PRPF3: variants seen among roughly 807,000 people sequenced by gnomAD.
The protein encoded by PRPF3 is pre-mRNA processing factor 3.
A neutral mutation model predicts 89.2 loss-of-function variants in PRPF3; 3 were observed. That is an observed-to-expected ratio of 0.03 (90% CI 0.02 to 0.09). The LOEUF (loss-of-function observed/expected upper bound fraction) is 0.09. PRPF3 is among the 10% of genes least tolerant of loss of function. The probability of loss-of-function intolerance (pLI) is 1.00; values close to 1 mark genes in which losing one functional copy is unlikely to be tolerated. For synonymous variants in PRPF3, 270 were observed against 289.1 expected (o/e 0.93, Z 0.67); for missense variants, 463 against 828.8 (o/e 0.56, Z 5.42).
At chr1:150,335,755 G>A (rs1280606271) in intron 7 of PRPF3, among the ~76,000 whole-genome samples, 5 of 109,956 alleles carry the variant, frequency 4.5e-5, no homozygotes, top group African/African-American at 7.2e-5. Context: ...GTGAGCCACC[G>A]CCCCCGCCTT....
intron 4 of PRPF3, 62 bp from the exon 5 acceptor site, chr1:150,332,622 C>T: frequency 1.3e-6 from 2 of 1,539,340 alleles, no homozygotes; most frequent in Non-Finnish European, 1.8e-6. Context: ...GGTTTAAAAA[C>T]CTGAATGGGA....
chr1:150,326,576 T>G (rs1402488315), intron 3 of PRPF3, among the ~76,000 whole-genome samples: 1 of 152,094 alleles, frequency 6.6e-6, no homozygotes, highest in Non-Finnish European at 1.5e-5. Context: ...GTGACTCCTA[T>G]CAAACCTTCC....
intron 4 of PRPF3, among the ~76,000 whole-genome samples, chr1:150,331,620 C>T (rs1656408104): frequency 6.6e-6 from 1 of 152,146 alleles, no homozygotes; most frequent in Non-Finnish European, 1.5e-5. Context: ...CCACCTCAGC[C>T]TCTCAAAGTG....
chr1:150,352,887 G>A lies in PRPF3; in HGVS notation c.1960G>A (p.Glu654Lys). 1.9e-6 allele frequency: 3 copies of A among 1,614,188 alleles called. No homozygotes were observed. The highest frequency in any genetic ancestry group is 2.5e-6 in the Non-Finnish European group (3 of 1,180,030). ...GATGAAGTTTAAACAGTGTCCTACA[G>A]AGAACATGGCTCGTGAGCATTTCAA... ...GEMKFKQCPTENMAREHFKKH... is the reference protein window; with the variant it reads ...GEMKFKQCPTKNMAREHFKKH... Residue 654 changes from glutamate (E) to lysine (K), a missense_variant, in exon 16 of 16, where the codon GAG becomes AAG. Glu to Lys is a moderately conservative substitution (Grantham distance 56). Coordinates refer to ENST00000324862, the MANE Select transcript of PRPF3 (RefSeq NM_004698.4).
At chr1:150,346,164 G>A (rs376788525) in intron 13 of PRPF3, 28 bp downstream of exon 13, 13 of 1,574,846 alleles carry the variant, frequency 8.3e-6, no homozygotes, top group Admixed American at 6.7e-5. Context: ...GAGGGAGACT[G>A]TCCCCAGACA....
intron 3 of PRPF3, chr1:150,328,010 G>C: frequency 2.7e-6 from 1 of 368,388 alleles, no homozygotes; most frequent in Non-Finnish European, 5.1e-6. Flanking sequence ...TTTTAGGCAG[G>C]ATTTGGAACA....
chr1:150,334,875 T>G (rs587761100), intron 6 of PRPF3, 60 bp from the exon 7 acceptor site: 33 of 1,598,916 alleles, frequency 2.1e-5, no homozygotes, highest in Admixed American at 3.4e-5. Context: ...GGCTTTATTT[T>G]GTTTTTTGCT....
Position 150,346,497 on chromosome 1 carries a change from T to C in PRPF3, c.1843+6T>C. 8 of 1,608,456 alleles carry C rather than the reference T, an allele frequency of 5.0e-6. No individual in the cohort carries two copies. Among genetic ancestry groups the C allele is most frequent in the Non-Finnish European group, 6.8e-6 (8 of 1,175,126 alleles). On this transcript the variant is annotated splice_donor_region_variant and intron_variant, in intron 14 of 15. Coordinates refer to ENST00000324862, the MANE Select transcript of PRPF3 (RefSeq NM_004698.4). ...ATCTAACACAAAGGGAGATGGTGAATGGGGGTTAGAGGGGATTAAGGGGGA... is the reference window on the plus strand; with the variant it reads ...ATCTAACACAAAGGGAGATGGTGAACGGGGGTTAGAGGGGATTAAGGGGGA...
chr1:150,325,948 A>C, intron 3 of PRPF3, 67 bp downstream of exon 3: 2 of 1,575,192 alleles, frequency 1.3e-6, no homozygotes, highest in East Asian at 2.3e-5. Flanking sequence ...TGCTGAGCTT[A>C]CCAGTTCACA....
In PRPF3 at chr1:150,352,987, G is replaced by C; in HGVS notation, c.*8G>C. The C allele has an allele frequency of 1.2e-6, 2 of 1,613,826 alleles. No homozygotes were observed. Among genetic ancestry groups the C allele is most frequent in the African/African-American group, 2.7e-5 (2 of 74,982 alleles). On this transcript the variant is annotated 3_prime_UTR_variant, in exon 16 of 16. Coordinates refer to ENST00000324862, the MANE Select transcript of PRPF3 (RefSeq NM_004698.4). Reference sequence around the variant, plus strand: ...TTAGAGTCCACTGATTGAGACTACTGCAAGCCCTTGCCTCTCCTCCCTTGC... The same window carrying C: ...TTAGAGTCCACTGATTGAGACTACTCCAAGCCCTTGCCTCTCCTCCCTTGC...
At chr1:150,339,960 G>A (rs1428299062) in intron 8 of PRPF3, among the ~76,000 whole-genome samples, 1 of 152,052 alleles carries the variant, frequency 6.6e-6, no homozygotes, top group Admixed American at 6.6e-5. Context: ...GACCTCAGGT[G>A]ATCCACCTGC....
chr1:150,348,937 A>C (rs1658609973), intron 14 of PRPF3: 1 of 552,774 alleles, frequency 1.8e-6, no homozygotes, highest in Non-Finnish European at 3.2e-6. Context: ...CTCTTGATTC[A>C]TAACAAGTGC....
At chr1:150,346,605 TCAGGA>T in intron 14 of PRPF3, 114 bp downstream of exon 14, 1 of 1,112,486 alleles carries the variant, frequency 9.0e-7, no homozygotes, top group Non-Finnish European at 1.4e-6. Context: ...TAGATAGTGT[TCAGGA>T]ATTTTAGAAA....
chr1:150,337,185 C>T (rs1019476287), intron 7 of PRPF3, among the ~76,000 whole-genome samples: 3 of 151,824 alleles, frequency 2.0e-5, no homozygotes, highest in African/African-American at 7.3e-5. Flanking sequence ...ACTATAGGCG[C>T]CCGCCACCAC....
chr1:150,346,175 A>G (rs1464180446), intron 13 of PRPF3, 39 bp downstream of exon 13: 3 of 1,548,476 alleles, frequency 1.9e-6, no homozygotes, highest in East Asian at 4.5e-5. Context: ...TCCCCAGACA[A>G]CCCTAGGCTT....
chr1:150,332,961 T>G lies in PRPF3; in HGVS notation c.508-18T>G. The stretch of plus-strand genomic sequence containing the variant: ...TGCCTGTCTTAATTCCTCTGATTTC[T>G]TTTTCTCTATCTCACAGCCAAAGAC... On this transcript the variant is annotated intron_variant, in intron 5 of 15. Transcript: ENST00000324862. The G allele has an allele frequency of 6.2e-7, 1 of 1,602,564 alleles. No homozygotes were observed. The highest frequency in any genetic ancestry group is 2.2e-5 in the East Asian group (1 of 44,828).
In PRPF3 at chr1:150,346,000, A is replaced by C; in HGVS notation, c.1641-18A>C. ...TGATGCTAAAATGGAAGACATAACT[A>C]AACTTTCCCTTCTCCAGAGTTCGAA... On this transcript the variant is annotated intron_variant, in intron 12 of 15. Coordinates refer to ENST00000324862, the MANE Select transcript of PRPF3 (RefSeq NM_004698.4). 6.3e-7 allele frequency: 1 copy of C among 1,592,474 alleles called. No homozygotes were observed. Among genetic ancestry groups the C allele is most frequent in the Non-Finnish European group, 8.6e-7 (1 of 1,160,668 alleles).
intron 1 of PRPF3, among the ~76,000 whole-genome samples, chr1:150,324,686 A>C (rs587699045): frequency 6.6e-6 from 1 of 152,074 alleles, no homozygotes; most frequent in South Asian, 2.1e-4. Context: ...CTGGGATTAC[A>C]GGCACATGCC....
chr1:150,345,584 C>G (rs1445293172), intron 12 of PRPF3: 1 of 225,390 alleles, frequency 4.4e-6, no homozygotes, highest in Non-Finnish European at 8.9e-6. Context: ...CTCCTGACCT[C>G]GTGATCTGCC....
Sources: allele counts gnomAD v4.1 joint callset (sites outside exome capture counted in the v4.1 genomes callset), GRCh38; gene constraint gnomAD v4.1.1; transcripts MANE v1.5; gene names NCBI Gene and HGNC (gene_info 2026-07-23, HGNC 2026-07-21).